Variants in CDH8 observed in about 807,000 individuals in gnomAD.
CDH8 encodes the protein cadherin-8.
A neutral mutation model predicts 68.1 loss-of-function variants in CDH8; 17 were observed. That is an observed-to-expected ratio of 0.25 (90% CI 0.17 to 0.37). CDH8 has a LOEUF of 0.37. CDH8 is among the 10% of genes least tolerant of loss of function. The pLI is 1.00. For synonymous variants in CDH8, 372 were observed against 365.1 expected (o/e 1.02, Z -0.21); for missense variants, 763 against 999.3 (o/e 0.76, Z 3.19).
At chr16:61,972,431 A>G (rs1965354291) in intron 2 of CDH8, among the ~76,000 whole-genome samples, 1 of 152,300 alleles carries the variant, frequency 6.6e-6, no homozygotes, top group South Asian at 2.1e-4. Flanking sequence ...ATCATCTTGT[A>G]TTACTCCTAA....
intron 8 of CDH8, among the ~76,000 whole-genome samples, chr16:61,778,639 T>C (rs997311669): frequency 2.6e-5 from 4 of 152,182 alleles, no homozygotes; most frequent in Admixed American, 6.5e-5. Context: ...GGTAAATTAC[T>C]TGCTAAAAGA....
chr16:61,703,636 C>G (rs774585461), intron 10 of CDH8, among the ~76,000 whole-genome samples: 2 of 152,058 alleles, frequency 1.3e-5, no homozygotes, highest in Non-Finnish European at 2.9e-5. Context: ...GTCAGGAGAT[C>G]GAGACCATCC....
Position 61,648,089 on chromosome 16 carries a change from TACATACAAAAACAC to T in CDH8, c.*5505_*5518del. 1 of 474,844 alleles carries T rather than the reference TACATACAAAAACAC, an allele frequency of 2.1e-6. No homozygotes were observed. The highest frequency in any genetic ancestry group is 3.7e-6 in the Non-Finnish European group (1 of 266,768). 29.4% of individuals were successfully genotyped at this position (474,844 alleles called of 1,614,324 possible). A position where few individuals can be genotyped will look rare whatever the true frequency, so the allele number is the denominator to read the frequency against. On this transcript the variant is annotated 3_prime_UTR_variant, in exon 12 of 12. Coordinates refer to ENST00000577390, the MANE Select transcript of CDH8 (RefSeq NM_001796.5). ...TCCACACATAAAGGAAGGAGGAGAA[TACATACAAAAACAC>T]TTACAACATTACAACTCAGGAGATG... is the stretch of plus-strand genomic sequence containing the variant.
chr16:62,033,852 C>G (rs1052469921), intron 1 of CDH8, among the ~76,000 whole-genome samples: 5 of 140,454 alleles, frequency 3.6e-5, no homozygotes, highest in African/African-American at 5.7e-5. Context: ...AACTCCTCGC[C>G]TTCTTCAGAG....
intron 2 of CDH8, among the ~76,000 whole-genome samples, chr16:61,965,806 G>C (rs985004592): frequency 1.3e-5 from 2 of 152,202 alleles, no homozygotes; most frequent in Admixed American, 1.3e-4. Context: ...TCATTTGAAA[G>C]TGGGCACTTT....
chr16:62,016,308 T>C (rs56238913), intron 2 of CDH8, among the ~76,000 whole-genome samples: 22,399 of 152,222 alleles, frequency 0.15, 2,128 homozygotes, highest in Non-Finnish European at 0.21. Context: ...GCAGAAGGCA[T>C]AGATAGATCT....
At chr16:61,661,822 A>C (rs1001074167) in intron 10 of CDH8, among the ~76,000 whole-genome samples, 2 of 151,764 alleles carry the variant, frequency 1.3e-5, no homozygotes, top group Non-Finnish European at 3.0e-5. Context: ...CATTCTCTGC[A>C]AATAAAGGAT....
intron 3 of CDH8, among the ~76,000 whole-genome samples, chr16:61,885,809 T>C (rs1190372601): frequency 6.6e-6 from 1 of 152,050 alleles, no homozygotes; most frequent in Non-Finnish European, 1.5e-5. Context: ...CGGGAAAGGA[T>C]TTTGCCCTTT....
chr16:61,968,885 T>G (rs979211520), intron 2 of CDH8, among the ~76,000 whole-genome samples: 4 of 152,188 alleles, frequency 2.6e-5, no homozygotes, highest in African/African-American at 9.6e-5. Context: ...TGCAGGCAGC[T>G]CATCTAAAAC....
At chr16:61,793,536 T>C (rs541712992) in intron 7 of CDH8, among the ~76,000 whole-genome samples, 1 of 152,116 alleles carries the variant, frequency 6.6e-6, no homozygotes, top group South Asian at 2.1e-4. Context: ...AGTTTGCTAA[T>C]GATAATGGCC....
At chr16:61,718,563 A>G (rs778001870) in intron 9 of CDH8, among the ~76,000 whole-genome samples, 1 of 151,290 alleles carries the variant, frequency 6.6e-6, no homozygotes, top group Non-Finnish European at 1.5e-5. Context: ...AAGGAACAGC[A>G]TAATGTTTGG....
chr16:61,699,089 GC>G (rs937182527), intron 10 of CDH8, among the ~76,000 whole-genome samples: 5 of 152,034 alleles, frequency 3.3e-5, no homozygotes, highest in African/African-American at 1.2e-4. Flanking sequence ...CTTTCATGAA[GC>G]CCCACCAACT....
chr16:61,884,674 C>T (rs1172859354), intron 3 of CDH8, among the ~76,000 whole-genome samples: 1 of 152,008 alleles, frequency 6.6e-6, no homozygotes, highest in African/African-American at 2.4e-5. Flanking sequence ...GCACTTGGAC[C>T]CTTATGATTT....
chr16:61,832,297 G>T (rs1354906543), intron 4 of CDH8, among the ~76,000 whole-genome samples: 1 of 151,518 alleles, frequency 6.6e-6, no homozygotes, highest in Non-Finnish European at 1.5e-5. Context: ...GATTTAGATA[G>T]ATGGGGAGAG....
intron 10 of CDH8, among the ~76,000 whole-genome samples, chr16:61,686,595 T>C (rs1310668224): frequency 2.0e-5 from 3 of 152,014 alleles, no homozygotes; most frequent in African/African-American, 7.2e-5. Flanking sequence ...GGTCTGTCGC[T>C]GTCTTCTACA....
At position 61,648,115 on chromosome 16, in the gene CDH8, C is replaced by G. The variant is rs765424182; in HGVS notation, c.*5493G>C. The G allele has an allele frequency of 1.6e-5, 6 of 379,226 alleles. No individual in the cohort carries two copies. The highest frequency in any genetic ancestry group is 8.8e-5 in the Admixed American group (2 of 22,830). The allele number at this position is 379,226 out of a possible 1,614,324, so 23.5% of individuals were successfully genotyped here. ...ACATACAAAAACACTTACAACATTA[C>G]AACTCAGGAGATGACCCCAAATACC... is the stretch of plus-strand genomic sequence containing the variant. On this transcript the variant is annotated 3_prime_UTR_variant, in exon 12 of 12. Coordinates refer to ENST00000577390, the MANE Select transcript of CDH8 (RefSeq NM_001796.5).
chr16:61,745,088 A>AT (rs1173184849), intron 8 of CDH8, among the ~76,000 whole-genome samples: 2 of 149,828 alleles, frequency 1.3e-5, no homozygotes, highest in Non-Finnish European at 3.0e-5. Context: ...CTGCTAATGC[A>AT]TTTTATCAAG....
At chr16:61,852,816 C>T (rs1415927794) in intron 4 of CDH8, among the ~76,000 whole-genome samples, 1 of 151,720 alleles carries the variant, frequency 6.6e-6, no homozygotes, top group Non-Finnish European at 1.5e-5. Flanking sequence ...GCACATCCCT[C>T]CCGGCCTTCC....
At chr16:61,714,028 T>C in intron 9 of CDH8, 70 bp from the exon 10 acceptor site, 1 of 923,584 alleles carries the variant, frequency 1.1e-6, no homozygotes, top group East Asian at 2.4e-5. Context: ...AAAAGCTTAG[T>C]GACATTCTTT....
Sources: gnomAD v4.1 joint callset for allele counts (sites outside exome capture counted in the v4.1 genomes callset) on GRCh38, gnomAD v4.1.1 for gene constraint, MANE v1.5 for transcripts, NCBI Gene and HGNC (gene_info 2026-07-23, HGNC 2026-07-21) for gene names.